NOM1: variants seen among roughly 807,000 people sequenced by gnomAD.
The protein encoded by NOM1 is nucleolar MIF4G domain-containing protein 1.
NOM1 carries 58 observed loss-of-function variants against 73.3 expected under a neutral mutation model. The observed-to-expected ratio is 0.79, with a 90% CI of 0.64 to 0.99. The LOEUF is 0.99. NOM1 is among the 50% of genes least tolerant of loss of function. The pLI, the probability that NOM1 is intolerant of heterozygous loss-of-function variation, is 0.00. For missense variants in NOM1, 1,226 were observed against 1,131.9 expected (o/e 1.08, Z -1.19); for synonymous variants, 487 against 446.8 (o/e 1.09, Z -1.14).
intron 9 of NOM1, 41 bp from the exon 10 acceptor site, chr7:156,969,046 A>G (rs773362801): frequency 2.7e-6 from 3 of 1,113,210 alleles, no homozygotes; most frequent in Non-Finnish European, 4.1e-6. Context: ...AAGTTGGCTA[A>G]ATCAGTGTAA....
At position 156,959,859 on chromosome 7, in the gene NOM1, C is replaced by T. The variant is rs1439487677; in HGVS notation, c.1317C>T (p.Ala439=). ...CTGTGTGGTTCTTTCAGGTCGGTGC[C>T]CACTTTCTGGAGGCAGTGGTGAGGA... is the stretch of plus-strand genomic sequence containing the variant. ...LHHTVGIEVG[A]HFLEAVVRKF... Residue 439 remains alanine, a synonymous_variant, in exon 4 of 11, where the codon GCC becomes GCT. Coordinates refer to ENST00000275820, the MANE Select transcript of NOM1 (RefSeq NM_138400.2). The T allele has an allele frequency of 1.9e-6, 3 of 1,613,832 alleles. No homozygotes were observed. Among genetic ancestry groups the T allele is most frequent in the East Asian group, 4.5e-5 (2 of 44,890 alleles).
chr7:156,961,939 G>T (rs184482597), intron 4 of NOM1, among the ~76,000 whole-genome samples: 5 of 152,036 alleles, frequency 3.3e-5, no homozygotes, highest in African/African-American at 4.8e-5. Flanking sequence ...CCCACTTGAC[G>T]TTGGGGGACA....
At chr7:156,955,209 C>T (rs910194006) in intron 3 of NOM1, among the ~76,000 whole-genome samples, 2 of 152,148 alleles carry the variant, frequency 1.3e-5, no homozygotes, top group Admixed American at 6.5e-5. Flanking sequence ...GTCAGAGAGG[C>T]TCTTTGGTGA....
At chr7:156,957,053 G>T (rs906945903) in intron 3 of NOM1, among the ~76,000 whole-genome samples, 1 of 152,154 alleles carries the variant, frequency 6.6e-6, no homozygotes, top group African/African-American at 2.4e-5. Flanking sequence ...AGATAATTGG[G>T]CCTACTTTCA....
In NOM1 at chr7:156,971,786, A is replaced by G. The variant is rs1437695596; in HGVS notation, c.*2083A>G. 2 of 152,270 alleles carry G rather than the reference A, an allele frequency of 1.3e-5. No homozygotes were observed. Among genetic ancestry groups the G allele is most frequent in the Non-Finnish European group, 2.9e-5 (2 of 68,046 alleles). The allele number at this position is 152,270 out of a possible 1,614,324, so 9.4% of individuals were successfully genotyped here. A position where few individuals can be genotyped will look rare whatever the true frequency, so the allele number is the denominator to read the frequency against. ...AACAACTGAATACAGAAAGTAACTG[A>G]AAGCAGCACAGAGACTGTGTCGTCC... On this transcript the variant is annotated 3_prime_UTR_variant, in exon 11 of 11. Transcript: ENST00000275820.
At chr7:156,967,602 G>A (rs770998864) in intron 9 of NOM1, among the ~76,000 whole-genome samples, 1 of 152,192 alleles carries the variant, frequency 6.6e-6, no homozygotes. Context: ...TGCAATCTCT[G>A]CAACCTCTGC....
intron 3 of NOM1, among the ~76,000 whole-genome samples, chr7:156,954,770 G>A (rs1022967934): frequency 6.6e-6 from 1 of 152,080 alleles, no homozygotes; most frequent in Non-Finnish European, 1.5e-5. Context: ...GCGTCCCAAT[G>A]TGTTGGGATT....
In NOM1 at chr7:156,966,347, A is replaced by C; in HGVS notation, c.2111A>C (p.Asn704Thr). Reference protein sequence around the residue: ...MDCCLQEKTYNPFYAFLASKF... With the variant: ...MDCCLQEKTYTPFYAFLASKF... ...TGCTGCCTTCAAGAGAAAACTTACA[A>C]TCCCTTCTATGCTTTCCTGGCTAGC... Residue 704 changes from asparagine (N) to threonine (T), a missense_variant, in exon 8 of 11, where the codon AAT becomes ACT. By Grantham distance (65) the Asn-to-Thr change is moderately conservative. Coordinates refer to ENST00000275820, the MANE Select transcript of NOM1 (RefSeq NM_138400.2). The C allele has an allele frequency of 3.7e-6, 6 of 1,614,222 alleles. No homozygotes were observed. The highest frequency in any genetic ancestry group is 5.1e-6 in the Non-Finnish European group (6 of 1,180,034).
At chr7:156,957,786 A>AG (rs1267454704) in intron 3 of NOM1, among the ~76,000 whole-genome samples, 12 of 127,498 alleles carry the variant, frequency 9.4e-5, no homozygotes, top group Admixed American at 1.6e-4. Context: ...AAAAAAAAAA[A>AG]AAAAAAAAAA....
At chr7:156,952,728 G>C (rs1022265473) in intron 2 of NOM1, 130 bp downstream of exon 2, 9 of 973,032 alleles carry the variant, frequency 9.2e-6, no homozygotes, top group Non-Finnish European at 1.0e-5. Context: ...TTCTTGGCTT[G>C]ATGCACCGAG....
chr7:156,957,668 G>A (rs1256077765), intron 3 of NOM1, among the ~76,000 whole-genome samples: 5 of 151,668 alleles, frequency 3.3e-5, no homozygotes, highest in South Asian at 2.1e-4. Flanking sequence ...CCTGCTACTC[G>A]GGAGGCTGAG....
intron 1 of NOM1, among the ~76,000 whole-genome samples, chr7:156,951,748 T>G (rs73172027): frequency 1.3e-5 from 2 of 151,538 alleles, no homozygotes; most frequent in African/African-American, 4.9e-5. Flanking sequence ...TGCACTGTCG[T>G]CTAGGCTGGA....
intron 3 of NOM1, among the ~76,000 whole-genome samples, chr7:156,957,845 T>C (rs983647058): frequency 6.1e-5 from 9 of 147,332 alleles, no homozygotes; most frequent in Non-Finnish European, 1.5e-5. Context: ...TAAATTTTTA[T>C]TGACGTCTGC....
At chr7:156,960,302 T>C in intron 4 of NOM1, 128 bp downstream of exon 4, 1 of 749,236 alleles carries the variant, frequency 1.3e-6, no homozygotes, top group Non-Finnish European at 2.2e-6. Context: ...TTCTGTCTCA[T>C]CCTGTTTTCT....
intron 1 of NOM1, among the ~76,000 whole-genome samples, chr7:156,952,192 C>A (rs1804610664): frequency 6.6e-6 from 1 of 152,040 alleles, no homozygotes; most frequent in Non-Finnish European, 1.5e-5. Context: ...GAGCAGATAC[C>A]AGAGGTGCAC....
In NOM1 at chr7:156,971,444, G is replaced by T. The variant is rs1441554833; in HGVS notation, c.*1741G>T. On this transcript the variant is annotated 3_prime_UTR_variant, in exon 11 of 11. Coordinates refer to ENST00000275820, the MANE Select transcript of NOM1 (RefSeq NM_138400.2). ...ACTCTGTCACCCAGGCCAGAGTGCAGTGGCACGATCATAGTTACCGCAGCA... is the reference window on the plus strand; with the variant it reads ...ACTCTGTCACCCAGGCCAGAGTGCATTGGCACGATCATAGTTACCGCAGCA... 6.6e-6 allele frequency: 1 copy of T among 151,964 alleles called. No homozygotes were observed. Among genetic ancestry groups the T allele is most frequent in the Admixed American group, 6.6e-5 (1 of 15,254 alleles). The allele number at this position is 151,964 out of a possible 1,614,324, so 9.4% of individuals were successfully genotyped here. A position where few individuals can be genotyped will look rare whatever the true frequency, so the allele number is the denominator to read the frequency against.
At position 156,971,765 on chromosome 7, in the gene NOM1, AC is replaced by A. The variant is rs1805146033; in HGVS notation, c.*2063del. On this transcript the variant is annotated 3_prime_UTR_variant, in exon 11 of 11. Coordinates refer to ENST00000275820, the MANE Select transcript of NOM1 (RefSeq NM_138400.2). ...GAAGCATGCGCAAGCAACATGAACA[AC>A]TGAATACAGAAAGTAACTGAAAGCA... The A allele has an allele frequency of 6.6e-6, 1 of 152,280 alleles. No individual in the cohort carries two copies. Among genetic ancestry groups the A allele is most frequent in the South Asian group, 2.1e-4 (1 of 4,836 alleles). The allele number at this position is 152,280 out of a possible 1,614,324, so 9.4% of individuals were successfully genotyped here. A position where few individuals can be genotyped will look rare whatever the true frequency, so the allele number is the denominator to read the frequency against.
chr7:156,966,505 C>CT, intron 8 of NOM1, 103 bp downstream of exon 8: 1 of 1,335,936 alleles, frequency 7.5e-7, no homozygotes, highest in Non-Finnish European at 1.0e-6. Flanking sequence ...GTCAGGAGGC[C>CT]CCTGATATCC....
chr7:156,965,373 A>G (rs1017528473), intron 7 of NOM1, among the ~76,000 whole-genome samples: 3 of 152,222 alleles, frequency 2.0e-5, no homozygotes, highest in Non-Finnish European at 4.4e-5. Context: ...GTGACTCTCG[A>G]GTGTATTCTG....
Sources: allele counts gnomAD v4.1 joint callset (sites outside exome capture counted in the v4.1 genomes callset), GRCh38; gene constraint gnomAD v4.1.1; transcripts MANE v1.5; gene names NCBI Gene and HGNC (gene_info 2026-07-23, HGNC 2026-07-21).